The following AKR7A3 variants were observed in gnomAD, a reference collection of about 807,000 sequenced individuals.
AKR7A3 encodes the protein aldo-keto reductase family 7 member A3.
AKR7A3 carries 37 observed loss-of-function variants against 32.5 expected under a neutral mutation model. That is an observed-to-expected ratio of 1.14 (90% CI 0.88 to 1.50). The LOEUF is 1.50. AKR7A3 is among the 40% of genes most tolerant of loss of function. The pLI, the probability that AKR7A3 is intolerant of heterozygous loss-of-function variation, is 0.00. For synonymous variants in AKR7A3, 177 were observed against 188.4 expected, an observed-to-expected ratio of 0.94 and a Z score of 0.50; for missense variants, 412 against 453.2, an observed-to-expected ratio of 0.91 and a Z score of 0.83.
chr1:19,274,285 A>G, the AKR7A3 span: 55 of 989,328 alleles, frequency 5.6e-5, no homozygotes, highest in Non-Finnish European at 7.3e-5. Context: ...TGCACCGAGC[A>G]AGCAGCGAAA....
chr1:19,283,988 C>T lies in AKR7A3; in HGVS notation c.834+8G>A. 2 of 1,613,024 alleles carry T rather than the reference C, an allele frequency of 1.2e-6. No individual in the cohort carries two copies. The highest frequency in any genetic ancestry group is 1.7e-6 in the Non-Finnish European group (2 of 1,179,866). ...GGAAGAAGCTGAGCGCACAGGGTCA[C>T]TGGTTACCTGCAGCTGTGAGTGGTG... On this transcript the variant is annotated splice_region_variant and intron_variant, in intron 6 of 6. Coordinates refer to ENST00000361640, the MANE Select transcript of AKR7A3 (RefSeq NM_012067.3).
the AKR7A3 span, chr1:19,274,246 C>A: frequency 1.1e-3 from 1,374 of 1,304,844 alleles, 32 homozygotes; most frequent in African/African-American, 0.019. Flanking sequence ...CGCTGGACTC[C>A]GCTCTCAACC....
At chr1:19,277,947 T>C (rs1255476564), downstream of AKR7A3, among the ~76,000 whole-genome samples, 1 of 152,054 alleles carries the variant, frequency 6.6e-6, no homozygotes, top group Non-Finnish European at 1.5e-5. Flanking sequence ...TTGATAGTTC[T>C]CTGAAGCACG....
the AKR7A3 span, among the ~76,000 whole-genome samples, chr1:19,275,183 G>T: frequency 2.6e-5 from 4 of 151,716 alleles, 1 homozygote; most frequent in African/African-American, 7.3e-5. Flanking sequence ...GGCCGAGGGG[G>T]GTGGATCACC....
intron 6 of AKR7A3, among the ~76,000 whole-genome samples, chr1:19,283,327 G>A (rs550451980): frequency 4.0e-5 from 6 of 151,796 alleles, no homozygotes; most frequent in Non-Finnish European, 8.8e-5. Context: ...GAGGCACTGA[G>A]AGAGGGAAAC....
rs772685502 is a variant in AKR7A3 at position 19,285,972 on chromosome 1, G to A, written c.423C>T (p.Gly141=). 1.9e-6 allele frequency: 3 copies of A among 1,613,762 alleles called. No individual in the cohort carries two copies. Among genetic ancestry groups the A allele is most frequent in the African/African-American group, 1.3e-5 (1 of 74,714 alleles). Residue 141 remains glycine, a synonymous_variant, in exon 3 of 7, where the codon GGC becomes GGT. Coordinates refer to ENST00000361640, the MANE Select transcript of AKR7A3 (RefSeq NM_012067.3). ...CTTCCCAGGCTGCATAGTTGGAGAGGCCAAGCTCCACGAACTTGCCCTGCT... is the reference window on the plus strand; with the variant it reads ...CTTCCCAGGCTGCATAGTTGGAGAGACCAAGCTCCACGAACTTGCCCTGCT... ...LHQEGKFVEL[G]LSNYAAWEVA... is the part of the protein sequence containing the mutation.
chr1:19,274,783 A>G, the AKR7A3 span, among the ~76,000 whole-genome samples: 2 of 149,972 alleles, frequency 1.3e-5, no homozygotes, highest in Non-Finnish European at 3.0e-5. Flanking sequence ...CTGTCTCAAA[A>G]GAAAAAAAAA....
At chr1:19,283,159 C>T (rs2093721951) in intron 6 of AKR7A3, among the ~76,000 whole-genome samples, 1 of 149,256 alleles carries the variant, frequency 6.7e-6, no homozygotes, top group South Asian at 2.2e-4. Context: ...GTTATTAAAC[C>T]TCTCTGAGAT....
chr1:19,287,757 G>A (rs1018535152), intron 1 of AKR7A3, among the ~76,000 whole-genome samples: 1 of 152,154 alleles, frequency 6.6e-6, no homozygotes. Context: ...TCTTCACGGG[G>A]TCCCTCCCAG....
intron 6 of AKR7A3, among the ~76,000 whole-genome samples, chr1:19,283,102 A>G (rs2093721840): frequency 6.8e-6 from 1 of 147,740 alleles, no homozygotes; most frequent in South Asian, 2.2e-4. Flanking sequence ...ACAGACCTAC[A>G]TTCACAGCCC....
In AKR7A3 at chr1:19,286,374, T is replaced by A. The variant is rs768277221; in HGVS notation, c.215-2A>T. 8 of 1,613,146 alleles carry A rather than the reference T, an allele frequency of 5.0e-6. No individual in the cohort carries two copies. The highest frequency in any genetic ancestry group is 5.9e-6 in the Non-Finnish European group (7 of 1,179,630). On this transcript the variant is annotated splice_acceptor_variant, in intron 1 of 6. Coordinates refer to ENST00000361640, the MANE Select transcript of AKR7A3 (RefSeq NM_012067.3). LOFTEE classifies it high-confidence loss of function. The stretch of plus-strand genomic sequence containing the variant: ...GAATGGCCTTGGTATCAATTTTCAC[T>A]GAGAGGAAAGAGAAATGAAATTCAG...
chr1:19,288,533 G>A lies in AKR7A3; in HGVS notation c.177C>T (p.Gly59=), dbSNP rs529881557. Residue 59 remains glycine (G), a synonymous_variant, in exon 1 of 7, where the codon GGC becomes GGT. Coordinates refer to ENST00000361640, the MANE Select transcript of AKR7A3 (RefSeq NM_012067.3). ...TGCCGCCCAGCCGGAGCCCCAGGCC[G>A]CCAAGGATGGTCTCGGACTGGCCCT... ...YSEGQSETIL[G]GLGLRLGGSD... is the part of the protein sequence containing the mutation. The A allele has an allele frequency of 9.3e-6, 15 of 1,611,066 alleles. No homozygotes were observed. The highest frequency in any genetic ancestry group is 2.7e-5 in the African/African-American group (2 of 74,962).
intron 1 of AKR7A3, among the ~76,000 whole-genome samples, chr1:19,288,113 T>A (rs2093734128): frequency 6.6e-6 from 1 of 152,032 alleles, no homozygotes; most frequent in Non-Finnish European, 1.5e-5. Context: ...TTTCTGCAGA[T>A]CAGGCCCGTC....
chr1:19,288,474 G>T (rs1300115020), intron 1 of AKR7A3, 22 bp downstream of exon 1: 3 of 1,608,880 alleles, frequency 1.9e-6, no homozygotes, highest in Non-Finnish European at 2.5e-6. Flanking sequence ...CGTGCAGGGG[G>T]AGGATCAGGG....
At chr1:19,282,458 A>G (rs939949330), downstream of AKR7A3, 46 of 517,436 alleles carry the variant, frequency 8.9e-5, no homozygotes, top group Admixed American at 6.7e-5. Flanking sequence ...TGCCGGCACC[A>G]CACCCCCTTG....
intron 1 of AKR7A3, 90 bp from the exon 2 acceptor site, chr1:19,286,462 A>C: frequency 7.4e-7 from 1 of 1,353,086 alleles, no homozygotes; most frequent in South Asian, 1.3e-5. Context: ...CAGGCAAATC[A>C]GAAGGTCAGG....
At chr1:19,286,038 G>C in intron 2 of AKR7A3, 46 bp from the exon 3 acceptor site, 2 of 1,610,434 alleles carry the variant, frequency 1.2e-6, no homozygotes, top group Non-Finnish European at 1.7e-6. Context: ...GCCCAGACCA[G>C]GAAAGGGAGG....
At chr1:19,287,535 T>C (rs1018001571) in intron 1 of AKR7A3, among the ~76,000 whole-genome samples, 5 of 152,034 alleles carry the variant, frequency 3.3e-5, no homozygotes, top group Middle Eastern at 3.4e-3. Context: ...GCCCTCACTA[T>C]GTGCCTGCCA....
At chr1:19,288,466 T>G (rs779770023) in intron 1 of AKR7A3, 30 bp downstream of exon 1, 4 of 1,604,382 alleles carry the variant, frequency 2.5e-6, no homozygotes, top group Admixed American at 1.7e-5. Context: ...CTCTGCACCG[T>G]GCAGGGGGAG....
Sources: gnomAD v4.1 joint callset for allele counts (sites outside exome capture counted in the v4.1 genomes callset) on GRCh38, gnomAD v4.1.1 for gene constraint, MANE v1.5 for transcripts, NCBI Gene and HGNC (gene_info 2026-07-23, HGNC 2026-07-21) for gene names.